Variants in MTHFD1 observed in about 807,000 individuals in gnomAD.
MTHFD1 encodes C-1-tetrahydrofolate synthase, cytoplasmic.
Under a neutral mutation model 110.3 loss-of-function variants are expected in MTHFD1, and 44 were observed. The ratio of observed to expected loss-of-function variants is 0.40; its 90% CI spans 0.31 to 0.51. MTHFD1 has a LOEUF of 0.51. Ranked by LOEUF, MTHFD1 falls within the 20% of genes least tolerant of loss-of-function variation. MTHFD1 has a pLI of 0.60. For missense variants in MTHFD1, 909 were observed against 1,173.1 expected, an observed-to-expected ratio of 0.77 and a Z score of 3.29; for synonymous variants, 402 against 428.8, an observed-to-expected ratio of 0.94 and a Z score of 0.77.
chr14:64,447,578 G>C (rs1481994448), intron 22 of MTHFD1, among the ~76,000 whole-genome samples: 3 of 151,630 alleles, frequency 2.0e-5, no homozygotes, highest in Non-Finnish European at 4.4e-5. Context: ...CCAAAGTCCT[G>C]GGATTACAAG....
At chr14:64,436,813 AGATTTAGTATCC>A (rs2078209682) in intron 16 of MTHFD1, among the ~76,000 whole-genome samples, 1 of 152,226 alleles carries the variant, frequency 6.6e-6, no homozygotes, top group African/African-American at 2.4e-5. Flanking sequence ...TCCATTTTGA[AGATTTAGTATCC>A]GATTTACTTT....
chr14:64,421,914 C>T (rs189360230), intron 8 of MTHFD1, among the ~76,000 whole-genome samples: 43 of 152,202 alleles, frequency 2.8e-4, no homozygotes, highest in Admixed American at 4.6e-4. Flanking sequence ...CGTGAGCCAC[C>T]GCACCCAGCA....
At chr14:64,436,101 CTTT>C (rs958326126) in intron 16 of MTHFD1, among the ~76,000 whole-genome samples, 2 of 146,962 alleles carry the variant, frequency 1.4e-5, no homozygotes, top group Non-Finnish European at 3.0e-5. Flanking sequence ...CTTACCTAAT[CTTT>C]TTTTTTTTGA....
At chr14:64,396,720 A>C (rs1430179756) in intron 1 of MTHFD1, among the ~76,000 whole-genome samples, 1 of 151,876 alleles carries the variant, frequency 6.6e-6, no homozygotes, top group Non-Finnish European at 1.5e-5. Context: ...TAGTAGTATA[A>C]AAATTGTTAA....
chr14:64,398,919 A>G (rs1394060267), intron 1 of MTHFD1, among the ~76,000 whole-genome samples: 1 of 152,190 alleles, frequency 6.6e-6, no homozygotes, highest in African/African-American at 2.4e-5. Flanking sequence ...ATTGTTGAGA[A>G]GTTGTATGTT....
intron 23 of MTHFD1, chr14:64,448,700 G>A (rs1412746550): frequency 1.8e-5 from 5 of 271,270 alleles, no homozygotes; most frequent in Non-Finnish European, 3.5e-5. Context: ...TATTACTCTG[G>A]AAGGGGTCAT....
At position 64,426,049 on chromosome 14, in the gene MTHFD1, G is replaced by A. The variant is rs138052861; in HGVS notation, c.984G>A (p.Pro328=). 9.9e-6 allele frequency: 16 copies of A among 1,613,494 alleles called. No individual in the cohort carries two copies. Among genetic ancestry groups the A allele is most frequent in the East Asian group, 4.5e-5 (2 of 44,898 alleles). Residue 328 remains proline, a synonymous_variant, in exon 11 of 28, where the codon CCG becomes CCA. Coordinates refer to ENST00000652337, the MANE Select transcript of MTHFD1 (RefSeq NM_005956.4). ...TTGATATATCACGATCTTGTAAACCGAAGCCCATTGGTAAGCTGGCTCGAG... is the reference window on the plus strand; with the variant it reads ...TTGATATATCACGATCTTGTAAACCAAAGCCCATTGGTAAGCTGGCTCGAG... ...SDIDISRSCK[P]KPIGKLAREI... is the part of the protein sequence containing the mutation.
intron 26 of MTHFD1, 96 bp downstream of exon 26, chr14:64,454,971 T>C (rs2078445269): frequency 7.7e-7 from 1 of 1,299,632 alleles, no homozygotes; most frequent in East Asian, 2.3e-5. Context: ...TGAGCAGAGT[T>C]CACTGCCCAG....
Position 64,453,851 on chromosome 14 carries a change from A to G in MTHFD1, c.2555A>G (p.Tyr852Cys). The G allele has an allele frequency of 6.2e-7, 1 of 1,601,322 alleles. No homozygotes were observed. Among genetic ancestry groups the G allele is most frequent in the Non-Finnish European group, 8.6e-7 (1 of 1,168,346 alleles). The change falls in exon 25 of 28, where the codon TAC becomes TGC. Residue 852 changes from tyrosine to cysteine, a missense_variant. Tyr to Cys is a radical substitution (Grantham distance 194). This residue lies in a region of MTHFD1 where 482 missense variants were observed against 646.0 expected (regional missense o/e 0.75). Coordinates refer to ENST00000652337, the MANE Select transcript of MTHFD1 (RefSeq NM_005956.4). ...LPEAQHKAEV[Y>C]TKQGFGNLPI... The stretch of plus-strand genomic sequence containing the variant: ...GAAGCTCAACACAAAGCTGAAGTCT[A>G]CACGAAGCAGGTAGATGTTTGGTTA...
At chr14:64,415,276 C>T (rs1195779731) in intron 4 of MTHFD1, 82 bp from the exon 5 acceptor site, 2 of 1,236,444 alleles carry the variant, frequency 1.6e-6, no homozygotes, top group Non-Finnish European at 2.4e-6. Context: ...AATAGGGCAA[C>T]CTAATTTTTG....
At position 64,435,598 on chromosome 14, in the gene MTHFD1, C is replaced by A. The variant is rs2078200308; in HGVS notation, c.1524C>A (p.Thr508=). The stretch of plus-strand genomic sequence containing the variant: ...TAGGCATTGAAAAGACTGACCCTAC[C>A]ACACTGACAGATGAAGAGATAAACA... The part of the protein sequence containing the change: ...KRLGIEKTDP[T]TLTDEEINRF... Residue 508 remains threonine (T), a synonymous_variant, in exon 16 of 28, where the codon ACC becomes ACA. Transcript: ENST00000652337. 6.2e-7 allele frequency: 1 copy of A among 1,610,522 alleles called. No individual in the cohort carries two copies. Among genetic ancestry groups the A allele is most frequent in the African/African-American group, 1.3e-5 (1 of 74,834 alleles).
chr14:64,401,245 G>A (rs1349415843), intron 2 of MTHFD1, among the ~76,000 whole-genome samples: 6 of 152,050 alleles, frequency 3.9e-5, no homozygotes, highest in East Asian at 3.9e-4. Flanking sequence ...TCACTGTAGC[G>A]TTGAACTCCT....
chr14:64,415,536 A>G (rs1309534553), intron 5 of MTHFD1, 42 bp downstream of exon 5: 1 of 1,613,886 alleles, frequency 6.2e-7, no homozygotes, highest in South Asian at 1.1e-5. Context: ...GCATGCTTTC[A>G]TTTATAATAT....
chr14:64,439,669 G>C (rs1440624361), intron 17 of MTHFD1, among the ~76,000 whole-genome samples: 2 of 152,108 alleles, frequency 1.3e-5, no homozygotes, highest in East Asian at 3.9e-4. Context: ...GGGAGGCCGA[G>C]GCGGGCGGAT....
At chr14:64,439,268 C>A in intron 17 of MTHFD1, 96 bp downstream of exon 17, 1 of 904,516 alleles carries the variant, frequency 1.1e-6, no homozygotes, top group South Asian at 1.4e-5. Context: ...CTGATACTGC[C>A]AGGTGTTGTT....
intron 23 of MTHFD1, 127 bp from the exon 24 acceptor site, chr14:64,449,318 A>T: frequency 1.8e-6 from 2 of 1,138,124 alleles, no homozygotes; most frequent in Non-Finnish European, 2.6e-6. Context: ...ATTCAAACCC[A>T]GGCCAAATTT....
intron 1 of MTHFD1, among the ~76,000 whole-genome samples, chr14:64,394,461 C>G (rs1471547048): frequency 2.0e-5 from 3 of 152,074 alleles, no homozygotes; most frequent in African/African-American, 7.2e-5. Flanking sequence ...CAAACAGATT[C>G]TCTTCAAAAA....
chr14:64,427,299 T>C, intron 11 of MTHFD1, 38 bp from the exon 12 acceptor site: 1 of 1,611,954 alleles, frequency 6.2e-7, no homozygotes, highest in East Asian at 2.2e-5. Flanking sequence ...ATACACTTAA[T>C]TCTTTAAACC....
At chr14:64,456,433 C>G (rs772507346) in intron 26 of MTHFD1, among the ~76,000 whole-genome samples, 3 of 152,096 alleles carry the variant, frequency 2.0e-5, no homozygotes, top group African/African-American at 4.8e-5. Context: ...CATACATGTG[C>G]GTACACATAA....
Sources: gnomAD v4.1 joint callset for allele counts (sites outside exome capture counted in the v4.1 genomes callset) on GRCh38, gnomAD v4.1.1 for gene constraint, gnomAD v4.1.1 regional missense constraint, MANE v1.5 for transcripts, NCBI Gene and HGNC (gene_info 2026-07-23, HGNC 2026-07-21) for gene names.